The following TMEM260 variants were observed in gnomAD, a reference collection of about 807,000 sequenced individuals.
The protein encoded by TMEM260 is protein O-mannosyl-transferase TMEM260.
TMEM260 carries 82 observed loss-of-function variants against 88.9 expected under a neutral mutation model. The observed-to-expected ratio is 0.92, with a 90% CI of 0.77 to 1.11. TMEM260 has a LOEUF of 1.11. Among genes scored for constraint, TMEM260 ranks in the 50% least tolerant of loss-of-function variants. TMEM260 has a pLI of 0.00. For synonymous variants in TMEM260, 314 were observed against 309.3 expected (o/e 1.02, Z -0.16); for missense variants, 902 against 853.4 (o/e 1.06, Z -0.71).
chr14:56,607,002 C>T (rs1053102597), intron 5 of TMEM260, among the ~76,000 whole-genome samples: 1 of 152,136 alleles, frequency 6.6e-6, no homozygotes, highest in Admixed American at 6.5e-5. Context: ...CACGTAAGTC[C>T]TTATGTAAAT....
intron 15 of TMEM260, among the ~76,000 whole-genome samples, chr14:56,637,818 A>T (rs906091774): frequency 6.6e-6 from 1 of 151,816 alleles, no homozygotes; most frequent in Non-Finnish European, 1.5e-5. Context: ...CACCCACTCC[A>T]TAGCAAATAG....
chr14:56,625,942 G>T (rs577927758), intron 12 of TMEM260, among the ~76,000 whole-genome samples: 11 of 152,182 alleles, frequency 7.2e-5, no homozygotes, highest in Admixed American at 3.9e-4. Flanking sequence ...TTTTATAAAG[G>T]ATAAGACATT....
intron 1 of TMEM260, among the ~76,000 whole-genome samples, chr14:56,581,595 T>A (rs2139488209): frequency 6.6e-6 from 1 of 152,246 alleles, no homozygotes; most frequent in Admixed American, 6.5e-5. Flanking sequence ...GGGAGTGAGA[T>A]TTATAATAAC....
downstream of TMEM260, among the ~76,000 whole-genome samples, chr14:56,653,516 T>G (rs1055848882): frequency 6.6e-6 from 1 of 151,286 alleles, no homozygotes; most frequent in Non-Finnish European, 1.5e-5. Context: ...GGTGGATCAC[T>G]TGAGGTCAGG....
chr14:56,596,784 T>TAAAAA (rs764574288), intron 3 of TMEM260, among the ~76,000 whole-genome samples: 38,510 of 113,794 alleles, frequency 0.34, 6,749 homozygotes, highest in Admixed American at 0.45. Flanking sequence ...AAAAAAAAAT[T>TAAAAA]AAAAAAAAAA....
intron 12 of TMEM260, among the ~76,000 whole-genome samples, chr14:56,626,003 G>A (rs1281971757): frequency 6.6e-6 from 1 of 152,172 alleles, no homozygotes; most frequent in East Asian, 1.9e-4. Context: ...GATAAAATAT[G>A]AGAATTGTGA....
At chr14:56,635,575 A>G (rs879447835) in intron 14 of TMEM260, among the ~76,000 whole-genome samples, 7 of 152,194 alleles carry the variant, frequency 4.6e-5, no homozygotes, top group East Asian at 1.9e-4. Context: ...AGTGATGGCA[A>G]CTGCTTCTTT....
intron 15 of TMEM260, among the ~76,000 whole-genome samples, chr14:56,641,060 G>T (rs548459606): frequency 7.1e-6 from 1 of 139,916 alleles, no homozygotes; most frequent in Non-Finnish European, 1.5e-5. Context: ...GAAAGTGACA[G>T]GAAGAATGGA....
intron 3 of TMEM260, chr14:56,592,991 C>G (rs1306098074): frequency 6.6e-6 from 1 of 152,168 alleles, no homozygotes; most frequent in African/African-American, 2.4e-5. Flanking sequence ...AAGGGTTAGA[C>G]AAACATGTGA....
intron 15 of TMEM260, 46 bp from the exon 16 acceptor site, chr14:56,647,197 A>C (rs1004406698): frequency 1.3e-6 from 2 of 1,533,544 alleles, no homozygotes; most frequent in Non-Finnish European, 1.7e-6. Flanking sequence ...AAAAAAAAAA[A>C]GTCAAAGAAT....
At chr14:56,662,711 T>G in the TMEM260 span, among the ~76,000 whole-genome samples, 1 of 152,260 alleles carries the variant, frequency 6.6e-6, no homozygotes, top group Non-Finnish European at 1.5e-5. Context: ...TGCCACCTTC[T>G]GAATCCCACA....
intron 7 of TMEM260, among the ~76,000 whole-genome samples, chr14:56,614,419 A>G (rs770062426): frequency 1.9e-4 from 29 of 152,224 alleles, no homozygotes; most frequent in Admixed American, 3.9e-4. Flanking sequence ...TGTCATATCA[A>G]TGTCTCTGAG....
chr14:56,603,697 A>G, intron 3 of TMEM260, 118 bp from the exon 4 acceptor site: 3 of 999,052 alleles, frequency 3.0e-6, no homozygotes, highest in Non-Finnish European at 4.6e-6. Flanking sequence ...TAACCATATA[A>G]TGTGTTGGAG....
At chr14:56,611,306 A>G (rs529367432) in intron 6 of TMEM260, among the ~76,000 whole-genome samples, 155 of 152,282 alleles carry the variant, frequency 1.0e-3, no homozygotes, top group African/African-American at 3.5e-3. Flanking sequence ...AAGGGTGGCC[A>G]AATTAGTTTT....
intron 15 of TMEM260, among the ~76,000 whole-genome samples, chr14:56,644,969 G>GCAAT (rs1366338479): frequency 2.0e-5 from 3 of 151,972 alleles, no homozygotes; most frequent in Admixed American, 1.3e-4. Context: ...AGTTAGAATG[G>GCAAT]CAATCATTAA....
chr14:56,622,489 A>G (rs1369052302), intron 11 of TMEM260, among the ~76,000 whole-genome samples: 4 of 152,166 alleles, frequency 2.6e-5, no homozygotes, highest in African/African-American at 9.7e-5. Context: ...ATTTCACTCA[A>G]AATAGAAATT....
intron 3 of TMEM260, among the ~76,000 whole-genome samples, chr14:56,587,353 CAT>C (rs1194373427): frequency 2.0e-5 from 3 of 151,790 alleles, no homozygotes; most frequent in African/African-American, 7.2e-5. Context: ...AAAACTTTTC[CAT>C]GTTTTTCAAC....
chr14:56,618,762 AG>A lies in TMEM260; in HGVS notation c.1226+1del, dbSNP rs1566555456. 4 of 1,613,376 alleles carry A rather than the reference AG, an allele frequency of 2.5e-6. No homozygotes were observed. The South Asian group carries it at 4.4e-5, about 18-fold the overall frequency. On this transcript the variant is annotated frameshift_variant and splice_region_variant, in exon 10 of 16. Transcript: ENST00000261556. LOFTEE classifies it high-confidence loss of function. ...AGTTTACCAAATATATTCTAATTAC[AG>A]GTAATACATGGTTATTTTTATGAAA... The part of the protein sequence containing the change: ...FVVYQIYSNY[S>X]VCDQRTNYVI...
chr14:56,659,509 C>A, the TMEM260 span, among the ~76,000 whole-genome samples: 1 of 152,164 alleles, frequency 6.6e-6, no homozygotes, highest in Non-Finnish European at 1.5e-5. Context: ...TAGTAGCTGT[C>A]TAGGTGGACC....
Sources: gnomAD v4.1 joint callset for allele counts (sites outside exome capture counted in the v4.1 genomes callset) on GRCh38, gnomAD v4.1.1 for gene constraint, MANE v1.5 for transcripts, NCBI Gene and HGNC (gene_info 2026-07-23, HGNC 2026-07-21) for gene names.